ATP6V0A4: variants seen among roughly 807,000 people sequenced by gnomAD.
ATP6V0A4 encodes V-type proton ATPase 116 kDa subunit a 4.
ATP6V0A4 carries 86 observed loss-of-function variants against 107.3 expected under a neutral mutation model. The observed-to-expected ratio is 0.80, with a 90% CI of 0.67 to 0.96. The LOEUF (loss-of-function observed/expected upper bound fraction) is 0.96. ATP6V0A4 is among the 40% of genes least tolerant of loss of function. ATP6V0A4 has a pLI of 0.00. For missense variants in ATP6V0A4, 908 were observed against 1,045.6 expected, an observed-to-expected ratio of 0.87 and a Z score of 1.81; for synonymous variants, 353 against 381.4, an observed-to-expected ratio of 0.93 and a Z score of 0.87.
chr7:138,747,539 G>A lies in ATP6V0A4; in HGVS notation c.1206C>T (p.Pro402=). ...CTCCAAACATCACAGCGAACAGGAA[G>A]GGGAAAGTGATGATGGTGTAGGGGG... ...NPAPYTIITF[P]FLFAVMFGDC... is the part of the protein sequence containing the mutation. Residue 402 remains proline, a synonymous_variant, in exon 13 of 22, where the codon CCC becomes CCT. Coordinates refer to ENST00000310018, the MANE Select transcript of ATP6V0A4 (RefSeq NM_020632.3). 2 of 1,614,100 alleles carry A rather than the reference G, an allele frequency of 1.2e-6. No homozygotes were observed. The highest frequency in any genetic ancestry group is 1.7e-6 in the Non-Finnish European group (2 of 1,180,022).
chr7:138,709,006 C>T (rs1270150059), intron 21 of ATP6V0A4, among the ~76,000 whole-genome samples: 10 of 151,942 alleles, frequency 6.6e-5, no homozygotes, highest in Non-Finnish European at 1.0e-4. Flanking sequence ...GCCAAGAGTT[C>T]GAGACCAGCC....
At chr7:138,792,132 C>T (rs900517672) in intron 1 of ATP6V0A4, among the ~76,000 whole-genome samples, 8 of 152,094 alleles carry the variant, frequency 5.3e-5, no homozygotes, top group African/African-American at 1.9e-4. Context: ...CACGGTGAAA[C>T]CCCATCTCTA....
intron 14 of ATP6V0A4, among the ~76,000 whole-genome samples, chr7:138,741,173 T>C (rs1805617965): frequency 6.6e-6 from 1 of 151,936 alleles, no homozygotes; most frequent in Non-Finnish European, 1.5e-5. Flanking sequence ...AATTAAAAAA[T>C]AATGAAATGT....
intron 8 of ATP6V0A4, among the ~76,000 whole-genome samples, chr7:138,758,218 T>G (rs1281480163): frequency 6.6e-6 from 1 of 152,142 alleles, no homozygotes; most frequent in Non-Finnish European, 1.5e-5. Flanking sequence ...CACAGTAATA[T>G]GGGGAGGGAT....
intron 16 of ATP6V0A4, 200 bp from the exon 17 acceptor site, chr7:138,733,293 T>C (rs1805124761): frequency 2.4e-6 from 1 of 414,300 alleles, no homozygotes; most frequent in Non-Finnish European, 3.0e-6. Context: ...AAGGAAATAC[T>C]GGAAAGTGCT....
chr7:138,763,869 A>T (rs538441328), intron 5 of ATP6V0A4, among the ~76,000 whole-genome samples: 7 of 151,444 alleles, frequency 4.6e-5, no homozygotes, highest in Middle Eastern at 3.4e-3. Context: ...CTGAGGCAGG[A>T]GATTCGCTTG....
At chr7:138,767,386 G>T (rs1439771680) in intron 5 of ATP6V0A4, among the ~76,000 whole-genome samples, 1 of 152,090 alleles carries the variant, frequency 6.6e-6, no homozygotes, top group Non-Finnish European at 1.5e-5. Context: ...AGCTGGGCGT[G>T]GTGGCGCATG....
chr7:138,789,492 C>T (rs923298463), intron 1 of ATP6V0A4, among the ~76,000 whole-genome samples: 2 of 151,432 alleles, frequency 1.3e-5, no homozygotes, highest in African/African-American at 4.8e-5. Context: ...AAGTGATCCA[C>T]CCACCTCAGC....
At chr7:138,714,879 C>A (rs1803952389) in intron 20 of ATP6V0A4, among the ~76,000 whole-genome samples, 1 of 152,224 alleles carries the variant, frequency 6.6e-6, no homozygotes, top group African/African-American at 2.4e-5. Flanking sequence ...AGTGGCTTTG[C>A]AGATGAGATT....
intron 20 of ATP6V0A4, among the ~76,000 whole-genome samples, chr7:138,711,490 G>T (rs1420149971): frequency 6.6e-6 from 1 of 151,898 alleles, no homozygotes; most frequent in Admixed American, 6.6e-5. Context: ...CCTGCTAAAA[G>T]GTCACAATGA....
intron 2 of ATP6V0A4, among the ~76,000 whole-genome samples, chr7:138,781,332 TTC>T (rs1554402225): frequency 6.6e-6 from 1 of 152,066 alleles, no homozygotes; most frequent in Non-Finnish European, 1.5e-5. Flanking sequence ...CTTTTTTTTT[TTC>T]TTTTTCTTTT....
chr7:138,792,058 C>T (rs909491678), intron 1 of ATP6V0A4, among the ~76,000 whole-genome samples: 1 of 152,154 alleles, frequency 6.6e-6, no homozygotes, highest in Non-Finnish European at 1.5e-5. Context: ...CCTGTAATCC[C>T]AGCACTTTGG....
chr7:138,748,744 C>T (rs890405911), intron 12 of ATP6V0A4, among the ~76,000 whole-genome samples: 1 of 152,092 alleles, frequency 6.6e-6, no homozygotes, highest in African/African-American at 2.4e-5. Flanking sequence ...CAAGATTCCA[C>T]AGCTTAGGAC....
At position 138,745,114 on chromosome 7, in the gene ATP6V0A4, T is replaced by C. The variant is rs1805845346; in HGVS notation, c.1478+9A>G. On this transcript the variant is annotated intron_variant, in intron 14 of 21. Transcript: ENST00000310018. Reference sequence around the variant, plus strand: ...CCAGCGACTACACCATCTCTGTCTGTCAACTCACTTCCATGTGCCGTTTCT... The same window carrying C: ...CCAGCGACTACACCATCTCTGTCTGCCAACTCACTTCCATGTGCCGTTTCT... The C allele has an allele frequency of 1.2e-6, 2 of 1,609,712 alleles. No individual in the cohort carries two copies. Among genetic ancestry groups the C allele is most frequent in the Middle Eastern group, 1.7e-4 (1 of 6,036 alleles).
At chr7:138,731,241 T>A (rs576474059) in intron 17 of ATP6V0A4, among the ~76,000 whole-genome samples, 1 of 152,162 alleles carries the variant, frequency 6.6e-6, no homozygotes, top group Non-Finnish European at 1.5e-5. Flanking sequence ...AGCCTTTTCT[T>A]TTTCTTATTG....
intron 8 of ATP6V0A4, among the ~76,000 whole-genome samples, chr7:138,756,881 G>A (rs1282243049): frequency 1.3e-5 from 2 of 152,188 alleles, no homozygotes; most frequent in East Asian, 1.9e-4. Context: ...GGCTTAAAAC[G>A]AAGACAGCTG....
At chr7:138,706,866 T>C (rs891691944) in intron 21 of ATP6V0A4, 149 bp from the exon 22 acceptor site, 19 of 1,224,668 alleles carry the variant, frequency 1.6e-5, no homozygotes, top group East Asian at 2.7e-5. Context: ...CCCAGGCTGA[T>C]GGCTGCCATG....
In ATP6V0A4 at chr7:138,745,658, C is replaced by CAAAAAA. The variant is rs566336992; in HGVS notation, c.1321-384_1321-379dup. Among the ~76,000 whole-genome samples, 7 of 42,762 alleles carry CAAAAAA rather than the reference C, an allele frequency of 1.6e-4. 1 individual carries two copies. The East Asian group carries it at 5.2e-3, about 31-fold the overall frequency. The allele number at this position is 42,762 out of a possible 152,430, so 28.1% of individuals were successfully genotyped here. A position where few individuals can be genotyped will look rare whatever the true frequency, so the allele number is the denominator to read the frequency against. On this transcript the variant is annotated intron_variant, in intron 13 of 21. Transcript: ENST00000310018. ...CACCACTGCGCTCCAGCCTGTGTCT[C>CAAAAAA]AAAAAAAAAAAAAGGCCGGGTGTGA...
At chr7:138,791,795 C>A (rs762878729) in intron 1 of ATP6V0A4, among the ~76,000 whole-genome samples, 14 of 152,128 alleles carry the variant, frequency 9.2e-5, no homozygotes, top group Admixed American at 2.0e-4. Flanking sequence ...AATCACTCCA[C>A]TGAGGGAATA....
Sources: gnomAD v4.1 joint callset for allele counts (sites outside exome capture counted in the v4.1 genomes callset) on GRCh38, gnomAD v4.1.1 for gene constraint, MANE v1.5 for transcripts, NCBI Gene and HGNC (gene_info 2026-07-23, HGNC 2026-07-21) for gene names.